DNER: variants seen among roughly 807,000 people sequenced by gnomAD.
The protein encoded by DNER is delta/notch like EGF repeat containing.
DNER carries 33 observed loss-of-function variants against 78.2 expected under a neutral mutation model. That is an observed-to-expected ratio of 0.42 (90% CI 0.32 to 0.56). DNER has a LOEUF of 0.56. Ranked by LOEUF, DNER falls within the 20% of genes least tolerant of loss-of-function variation. The probability of loss-of-function intolerance (pLI) is 0.11; values close to 1 mark genes in which losing one functional copy is unlikely to be tolerated. For synonymous variants in DNER, 417 were observed against 384.8 expected (o/e 1.08, Z -0.98); for missense variants, 918 against 975.3 (o/e 0.94, Z 0.78).
intron 5 of DNER, among the ~76,000 whole-genome samples, chr2:229,531,487 C>T (rs535502397): frequency 6.6e-6 from 1 of 151,848 alleles, no homozygotes; most frequent in Admixed American, 6.6e-5. Context: ...AGAGGGATGG[C>T]AAGAATAAAA....
At chr2:229,489,981 G>A (rs970756104) in intron 6 of DNER, among the ~76,000 whole-genome samples, 1 of 152,050 alleles carries the variant, frequency 6.6e-6, no homozygotes, top group African/African-American at 2.4e-5. Context: ...AAGAGAGAGT[G>A]GAAGAGAAAG....
chr2:229,364,003 TTTTTTTTTTTC>T (rs1278862711), intron 12 of DNER, among the ~76,000 whole-genome samples: 3 of 134,144 alleles, frequency 2.2e-5, no homozygotes, highest in African/African-American at 6.1e-5. Context: ...TTTTTTTTTT[TTTTTTTTTTTC>T]TGAGACAGAG....
intron 1 of DNER, among the ~76,000 whole-genome samples, chr2:229,612,461 A>C (rs567595213): frequency 6.6e-6 from 1 of 152,366 alleles, no homozygotes; most frequent in Non-Finnish European, 1.5e-5. Flanking sequence ...GCCAGTAAAG[A>C]TGCCTCAGGT....
chr2:229,394,637 G>A (rs115824986), intron 10 of DNER, among the ~76,000 whole-genome samples: 6,041 of 152,236 alleles, frequency 0.04, 351 homozygotes, highest in African/African-American at 0.14. Flanking sequence ...AAATGCCAGC[G>A]TCTTTAGAGT....
At chr2:229,596,019 C>T (rs919849033) in intron 1 of DNER, among the ~76,000 whole-genome samples, 2 of 151,904 alleles carry the variant, frequency 1.3e-5, no homozygotes, top group Non-Finnish European at 2.9e-5. Context: ...CATCTTCTCA[C>T]ACAAATTTTA....
chr2:229,382,129 G>A (rs1267922280), intron 11 of DNER, among the ~76,000 whole-genome samples: 1 of 152,190 alleles, frequency 6.6e-6, no homozygotes, highest in Non-Finnish European at 1.5e-5. Context: ...CAAATGGTCT[G>A]GAGTGGACCT....
At chr2:229,365,621 A>G (rs1394225499) in intron 12 of DNER, among the ~76,000 whole-genome samples, 1 of 152,176 alleles carries the variant, frequency 6.6e-6, no homozygotes, top group African/African-American at 2.4e-5. Flanking sequence ...ATTTTAGTAG[A>G]GACAGGGTTT....
At chr2:229,650,241 G>GA (rs1437185358) in intron 1 of DNER, among the ~76,000 whole-genome samples, 1 of 152,082 alleles carries the variant, frequency 6.6e-6, no homozygotes, top group African/African-American at 2.4e-5. Flanking sequence ...ACTCCCAGTG[G>GA]AAAAAAATGT....
intron 1 of DNER, among the ~76,000 whole-genome samples, chr2:229,671,778 C>T (rs6754246): frequency 0.16 from 23,616 of 152,184 alleles, 4,582 homozygotes; most frequent in African/African-American, 0.46. Context: ...TAACAACTAC[C>T]CTCTTCTCTA....
At chr2:229,378,720 A>G (rs1692665028) in intron 11 of DNER, among the ~76,000 whole-genome samples, 1 of 152,210 alleles carries the variant, frequency 6.6e-6, no homozygotes, top group Admixed American at 6.5e-5. Context: ...AGAGGATCAC[A>G]GATGCTCAGA....
intron 8 of DNER, among the ~76,000 whole-genome samples, chr2:229,418,809 T>C (rs1156775195): frequency 6.6e-6 from 1 of 151,994 alleles, no homozygotes; most frequent in African/African-American, 2.4e-5. Flanking sequence ...TAATCCCAGC[T>C]ACTCAGTAGG....
chr2:229,663,537 C>T (rs1699042115), intron 1 of DNER, among the ~76,000 whole-genome samples: 2 of 152,154 alleles, frequency 1.3e-5, no homozygotes, highest in African/African-American at 4.8e-5. Flanking sequence ...ATCAGGCATC[C>T]CTTTCTCAAA....
chr2:229,529,724 G>A (rs894625256), intron 5 of DNER, among the ~76,000 whole-genome samples: 1 of 152,198 alleles, frequency 6.6e-6, no homozygotes. Context: ...ACATGAAGAA[G>A]AGGCCAGGTG....
chr2:229,440,125 A>G (rs1694200243), intron 8 of DNER, among the ~76,000 whole-genome samples: 2 of 152,200 alleles, frequency 1.3e-5, no homozygotes, highest in Admixed American at 6.5e-5. Flanking sequence ...TCTCATAAAA[A>G]TTTCATGCTC....
At chr2:229,503,352 G>C (rs1695660918) in intron 6 of DNER, among the ~76,000 whole-genome samples, 1 of 152,202 alleles carries the variant, frequency 6.6e-6, no homozygotes, top group Admixed American at 6.5e-5. Flanking sequence ...GTTACCAGCA[G>C]TCTGGACCAG....
At chr2:229,713,389 C>A (rs2154217966) in intron 1 of DNER, among the ~76,000 whole-genome samples, 1 of 152,380 alleles carries the variant, frequency 6.6e-6, no homozygotes, top group East Asian at 1.9e-4. Context: ...TCCCTCGCAC[C>A]GCCCCCACGC....
intron 1 of DNER, among the ~76,000 whole-genome samples, chr2:229,681,746 T>C (rs1699389816): frequency 6.6e-6 from 1 of 151,626 alleles, no homozygotes; most frequent in African/African-American, 2.4e-5. Flanking sequence ...CTTTCAAAGT[T>C]TGTGAATCCT....
intron 8 of DNER, among the ~76,000 whole-genome samples, chr2:229,440,734 T>C (rs1377168358): frequency 6.6e-6 from 1 of 152,218 alleles, no homozygotes; most frequent in African/African-American, 2.4e-5. Flanking sequence ...AGAGGGTGCG[T>C]ATGCACATTT....
At chr2:229,550,181 C>A (rs548034580) in intron 4 of DNER, among the ~76,000 whole-genome samples, 52 of 151,526 alleles carry the variant, frequency 3.4e-4, no homozygotes, top group African/African-American at 1.1e-3. Flanking sequence ...TTAGTAGAGA[C>A]GGGATTTCAC....
Sources: gnomAD v4.1 joint callset for allele counts (sites outside exome capture counted in the v4.1 genomes callset) on GRCh38, gnomAD v4.1.1 for gene constraint, MANE v1.5 for transcripts, NCBI Gene and HGNC (gene_info 2026-07-23, HGNC 2026-07-21) for gene names.